Variants in SRSF4 observed in about 807,000 individuals in gnomAD.
SRSF4 encodes serine/arginine-rich splicing factor 4.
A neutral mutation model predicts 48.8 loss-of-function variants in SRSF4; 12 were observed. That is an observed-to-expected ratio of 0.25 (90% CI 0.16 to 0.40). The LOEUF (loss-of-function observed/expected upper bound fraction) is 0.40, where lower values mean the gene tolerates loss of function less well. Ranked by LOEUF, SRSF4 falls within the 10% of genes least tolerant of loss-of-function variation. The pLI, the probability that SRSF4 is intolerant of heterozygous loss-of-function variation, is 1.00. For synonymous variants in SRSF4, 248 were observed against 232.5 expected (o/e 1.07, Z -0.61); for missense variants, 466 against 667.1 (o/e 0.70, Z 3.32).
chr1:29,156,818 A>G (rs1169526908), intron 3 of SRSF4, among the ~76,000 whole-genome samples: 1 of 152,226 alleles, frequency 6.6e-6, no homozygotes, highest in African/African-American at 2.4e-5. Flanking sequence ...AAGAGTGCAT[A>G]AAGAGTGGGG....
At chr1:29,154,003 T>C (rs918831686) in intron 4 of SRSF4, among the ~76,000 whole-genome samples, 1 of 151,692 alleles carries the variant, frequency 6.6e-6, no homozygotes, top group Non-Finnish European at 1.5e-5. Context: ...TTCAAGCGAT[T>C]CCCATGCCTC....
chr1:29,178,353 C>CTTTTTTTTT (rs3061128), intron 1 of SRSF4, among the ~76,000 whole-genome samples: 9 of 127,902 alleles, frequency 7.0e-5, no homozygotes, highest in African/African-American at 1.8e-4. Context: ...GTTTCAATTA[C>CTTTTTTTTT]TTTTTTTTTT....
At chr1:29,166,195 G>A (rs1487176043) in intron 1 of SRSF4, 3 of 152,224 alleles carry the variant, frequency 2.0e-5, no homozygotes, top group Non-Finnish European at 4.4e-5. Flanking sequence ...ATGGCATTCA[G>A]TGAACAGGAA....
chr1:29,149,594 T>A (rs1337210348), intron 5 of SRSF4, among the ~76,000 whole-genome samples: 1 of 148,506 alleles, frequency 6.7e-6, no homozygotes, highest in Non-Finnish European at 1.5e-5. Context: ...GGCAGGAGAA[T>A]CGCTTGAACC....
rs771259512 is a variant in SRSF4, at chr1:29,154,707, C to G, written c.567G>C (p.Arg189=). The G allele has an allele frequency of 1.9e-6, 3 of 1,614,086 alleles. No individual in the cohort carries two copies. In the Admixed American group the frequency reaches 5.0e-5, roughly 27 times the overall value. ...SRRRRSYSRS[R]SHSRSRSRSR... is the part of the protein sequence containing the mutation. ...GACATCAACAGTACCTTGAATGACT[C>G]CGGCTTCTGGAGTAGGACCGGCGTC... The change falls in exon 4 of 6, where the codon CGG becomes CGC. Residue 189 remains arginine, a synonymous_variant. Coordinates refer to ENST00000373795, the MANE Select transcript of SRSF4 (RefSeq NM_005626.5).
At chr1:29,169,682 C>T (rs1219427668) in intron 1 of SRSF4, 1 of 152,086 alleles carries the variant, frequency 6.6e-6, no homozygotes, top group Non-Finnish European at 1.5e-5. Flanking sequence ...ATAAAGTAAA[C>T]CAACTGCTGA....
Position 29,181,059 on chromosome 1 carries a change from G to C in SRSF4, c.107+587C>G, listed in dbSNP as rs150971083. 5.8e-3 allele frequency among the ~76,000 whole-genome samples: 879 copies of C among 152,284 alleles called. 9 individuals carry two copies. The highest frequency in any genetic ancestry group is 0.019 in the African/African-American group (796 of 41,540). On this transcript the variant is annotated intron_variant, in intron 1 of 5. Transcript: ENST00000373795. The stretch of plus-strand genomic sequence containing the variant: ...TACTCTTGCAGAGGGAACGGTGAAG[G>C]CTTTCAGCACGGCAAGACGATACTT...
chr1:29,152,662 T>C (rs1672430758), intron 4 of SRSF4, among the ~76,000 whole-genome samples: 2 of 152,238 alleles, frequency 1.3e-5, no homozygotes, highest in South Asian at 4.2e-4. Flanking sequence ...CTCAAGACTG[T>C]AATCCAAGCA....
chr1:29,176,509 A>T (rs949981307), intron 1 of SRSF4, among the ~76,000 whole-genome samples: 2 of 152,030 alleles, frequency 1.3e-5, no homozygotes, highest in African/African-American at 4.8e-5. Context: ...AAAAAGAAAA[A>T]AATACTGTAA....
intron 1 of SRSF4, 57 bp downstream of exon 1, chr1:29,181,589 C>T (rs1405676745): frequency 7.0e-7 from 1 of 1,436,982 alleles, no homozygotes; most frequent in Admixed American, 2.1e-5. Flanking sequence ...CCCGCGGCCT[C>T]CCCACCACCT....
intron 3 of SRSF4, among the ~76,000 whole-genome samples, chr1:29,155,413 A>C (rs942507792): frequency 3.3e-5 from 5 of 152,118 alleles, no homozygotes; most frequent in Non-Finnish European, 7.3e-5. Flanking sequence ...CCTGGGGTAC[A>C]GAGCAAGACC....
chr1:29,155,829 A>G (rs1190209030), intron 3 of SRSF4, among the ~76,000 whole-genome samples: 4 of 152,180 alleles, frequency 2.6e-5, no homozygotes, highest in African/African-American at 9.7e-5. Context: ...TTATTTGTTT[A>G]TAACCATCAT....
At chr1:29,160,763 C>T (rs1343457044) in intron 1 of SRSF4, among the ~76,000 whole-genome samples, 11 of 152,186 alleles carry the variant, frequency 7.2e-5, no homozygotes, top group African/African-American at 2.7e-4. Context: ...ATACACAGGA[C>T]ACTTCTTTTG....
chr1:29,178,629 T>C (rs1180792914), intron 1 of SRSF4, among the ~76,000 whole-genome samples: 1 of 152,178 alleles, frequency 6.6e-6, no homozygotes, highest in African/African-American at 2.4e-5. Context: ...GTGCTGGGAT[T>C]ACAGGCCACC....
chr1:29,181,500 C>A (rs1051833274), intron 1 of SRSF4, 146 bp downstream of exon 1: 3 of 633,128 alleles, frequency 4.7e-6, no homozygotes, highest in Non-Finnish European at 7.5e-6. Context: ...CCTACCCGCG[C>A]CCCCGAGGCG....
At position 29,150,113 on chromosome 1, in the gene SRSF4, A is replaced by T. The variant is rs748638301; in HGVS notation, c.658T>A (p.Ser220Thr). The change falls in exon 5 of 6, where the codon TCT (serine) becomes ACT (threonine). Residue 220 changes from serine to threonine, a missense_variant. Coordinates refer to ENST00000373795, the MANE Select transcript of SRSF4 (RefSeq NM_005626.5). Reference protein sequence around the residue: ...SSKSSHSKSRSRSRSGSRSRS... With the variant: ...SSKSSHSKSRTRSRSGSRSRS... ...ACATGGAAGACATACCTGGACCGAG[A>T]TCTACTCTTAGAATGACTGCTTTTG... The T allele has an allele frequency of 2.5e-6, 4 of 1,613,742 alleles. No homozygotes were observed. The highest frequency in any genetic ancestry group is 3.4e-6 in the Non-Finnish European group (4 of 1,179,874).
intron 1 of SRSF4, among the ~76,000 whole-genome samples, chr1:29,179,038 A>G (rs934068714): frequency 1.3e-5 from 2 of 152,176 alleles, no homozygotes; most frequent in African/African-American, 4.8e-5. Context: ...AAGAATGAAC[A>G]GTTCCTTAAA....
intron 3 of SRSF4, among the ~76,000 whole-genome samples, chr1:29,158,316 GGATACACACTGAAGCT>G (rs1672532791): frequency 1.3e-5 from 2 of 152,162 alleles, no homozygotes; most frequent in Admixed American, 1.3e-4. Context: ...TCACCAGTAA[GGATACACACTGAAGCT>G]GATGTGAATT....
intron 1 of SRSF4, among the ~76,000 whole-genome samples, chr1:29,165,716 C>A (rs1672661148): frequency 6.6e-6 from 1 of 152,344 alleles, no homozygotes; most frequent in South Asian, 2.1e-4. Context: ...CAAGGCATGA[C>A]TAAGGGGGTG....
Sources: allele counts gnomAD v4.1 joint callset (sites outside exome capture counted in the v4.1 genomes callset), GRCh38; gene constraint gnomAD v4.1.1; transcripts MANE v1.5; gene names NCBI Gene and HGNC (gene_info 2026-07-23, HGNC 2026-07-21).